Variants in DNAH5 observed in about 807,000 individuals in gnomAD.
DNAH5 encodes the protein axonemal beta dynein heavy chain 5.
DNAH5 carries 372 observed loss-of-function variants against 518.2 expected under a neutral mutation model. The ratio of observed to expected loss-of-function variants is 0.72; its 90% CI spans 0.66 to 0.78. DNAH5 has a LOEUF of 0.78. DNAH5 is among the 30% of genes least tolerant of loss of function. The probability of loss-of-function intolerance (pLI) is 0.00; values close to 1 mark genes in which losing one functional copy is unlikely to be tolerated. For missense variants in DNAH5, 5,523 were observed against 5,687.0 expected (o/e 0.97, Z 0.93); for synonymous variants, 2,039 against 2,025.9 (o/e 1.01, Z -0.17).
chr5:13,946,079 C>T (rs980061617), upstream of DNAH5, among the ~76,000 whole-genome samples: 13 of 152,296 alleles, frequency 8.5e-5, no homozygotes, highest in African/African-American at 2.6e-4. Context: ...TCCTATCCAT[C>T]CCAAGAATCC....
intron 1 of DNAH5, among the ~76,000 whole-genome samples, chr5:13,933,798 A>AAC (rs1295159203): frequency 1.3e-5 from 2 of 151,792 alleles, no homozygotes; most frequent in Non-Finnish European, 2.9e-5. Context: ...TCAAAAAAAA[A>AAC]AAAAAAAAAA....
intron 25 of DNAH5, among the ~76,000 whole-genome samples, chr5:13,867,129 C>T (rs1335351244): frequency 6.6e-6 from 1 of 152,174 alleles, no homozygotes; most frequent in Non-Finnish European, 1.5e-5. Flanking sequence ...TGCTACCAAA[C>T]AACTTCAGTA....
At chr5:13,992,005 T>C (rs1006985526) in intron 1 of DNAH5, among the ~76,000 whole-genome samples, 2 of 152,164 alleles carry the variant, frequency 1.3e-5, no homozygotes, top group Non-Finnish European at 2.9e-5. Flanking sequence ...AATCTTCAGA[T>C]AAATAAAACT....
At chr5:13,906,825 T>A (rs1160875095) in intron 12 of DNAH5, among the ~76,000 whole-genome samples, 1 of 152,086 alleles carries the variant, frequency 6.6e-6, no homozygotes, top group Non-Finnish European at 1.5e-5. Flanking sequence ...ACAGCAATAG[T>A]GACCCTTCGT....
chr5:13,901,188 C>T, intron 14 of DNAH5, 64 bp downstream of exon 14: 1 of 1,549,030 alleles, frequency 6.5e-7, no homozygotes, highest in Non-Finnish European at 8.8e-7. Flanking sequence ...ATAACACTGT[C>T]AAATGCTAGA....
chr5:14,009,458 T>A (rs1048254791), intron 1 of DNAH5, among the ~76,000 whole-genome samples: 1 of 152,192 alleles, frequency 6.6e-6, no homozygotes, highest in Non-Finnish European at 1.5e-5. Flanking sequence ...ATGCAACAAT[T>A]TCTACACCTT....
In DNAH5 at chr5:13,717,524, T is replaced by C; in HGVS notation, c.12500-4A>G. The stretch of plus-strand genomic sequence containing the variant: ...TCCAGCAGGTCTTGGCTGACACCTG[T>C]TGTGGTCAGTTGGGTGAAAAATGTA... On this transcript the variant is annotated splice_region_variant and splice_polypyrimidine_tract_variant and intron_variant, in intron 72 of 78. Transcript: ENST00000265104. 1 of 1,612,966 alleles carries C rather than the reference T, an allele frequency of 6.2e-7. No individual in the cohort carries two copies. Among genetic ancestry groups the C allele is most frequent in the Non-Finnish European group, 8.5e-7 (1 of 1,179,030 alleles).
intron 21 of DNAH5, among the ~76,000 whole-genome samples, chr5:13,878,576 GCCTAGCCATTCTTTCT>G (rs1186364044): frequency 1.3e-5 from 2 of 152,154 alleles, no homozygotes; most frequent in Non-Finnish European, 2.9e-5. Flanking sequence ...ATAAGCCTAG[GCCTAGCCATTCTTTCT>G]GGAAGGAGCT....
At chr5:13,890,406 CAA>C (rs35655538) in intron 17 of DNAH5, among the ~76,000 whole-genome samples, 43 of 136,908 alleles carry the variant, frequency 3.1e-4, no homozygotes, top group Admixed American at 6.5e-4. Context: ...GACTCCATCT[CAA>C]AAAAAAAAAA....
chr5:13,915,178 C>T (rs1776510563), intron 9 of DNAH5, among the ~76,000 whole-genome samples: 1 of 151,958 alleles, frequency 6.6e-6, no homozygotes, highest in South Asian at 2.1e-4. Context: ...TTGGATAAAG[C>T]ATAAGGAAAA....
chr5:13,718,676 T>C (rs983924590), intron 72 of DNAH5, among the ~76,000 whole-genome samples: 3 of 152,108 alleles, frequency 2.0e-5, no homozygotes, highest in Admixed American at 6.5e-5. Context: ...ACTGGGAAAA[T>C]AGGAAACTAG....
chr5:13,917,249 C>T lies in DNAH5; in HGVS notation c.983G>A (p.Arg328Gln), dbSNP rs376626613. The change falls in exon 8 of 79, where the codon CGG becomes CAG. Residue 328 changes from arginine to glutamine, a missense_variant. This residue lies in a region of DNAH5 where 5,121 missense variants were observed against 5,223.3 expected (regional missense o/e 0.98). Coordinates refer to ENST00000265104, the MANE Select transcript of DNAH5 (RefSeq NM_001369.3). ...AAKSKLLKTW[R>Q]EMDIRITDAT... ...ATCAGTGATTCGAATATCCATCTCC[C>T]GCCAAGTCTAAGCACAATAGGGAAA... 18 of 1,613,306 alleles carry T rather than the reference C, an allele frequency of 1.1e-5. No homozygotes were observed. The East Asian group carries it at 1.3e-4, about 12-fold the overall frequency.
chr5:13,950,239 C>T (rs1417794267), intron 1 of DNAH5, among the ~76,000 whole-genome samples: 1 of 151,942 alleles, frequency 6.6e-6, no homozygotes, highest in Non-Finnish European at 1.5e-5. Context: ...TTTTTCCTTT[C>T]CAGATGCCCA....
intron 37 of DNAH5, 27 bp from the exon 38 acceptor site, chr5:13,829,731 G>A (rs1473602424): frequency 1.3e-6 from 2 of 1,595,622 alleles, no homozygotes; most frequent in Non-Finnish European, 1.7e-6. Flanking sequence ...GCCCAAGGAT[G>A]AATGATGCAA....
At chr5:13,882,137 T>A (rs114874332) in intron 21 of DNAH5, among the ~76,000 whole-genome samples, 2,076 of 152,042 alleles carry the variant, frequency 0.014, 49 homozygotes, top group African/African-American at 0.046. Flanking sequence ...TGAACAGACC[T>A]ATAGTAAGAA....
chr5:13,977,749 A>G (rs1277992015), intron 1 of DNAH5, among the ~76,000 whole-genome samples: 1 of 152,128 alleles, frequency 6.6e-6, no homozygotes, highest in Non-Finnish European at 1.5e-5. Context: ...ATCCAACTGT[A>G]CCTGGACACA....
chr5:13,867,671 A>C, intron 25 of DNAH5, 103 bp downstream of exon 25: 1 of 937,670 alleles, frequency 1.1e-6, no homozygotes, highest in South Asian at 1.3e-5. Context: ...GGGAATTCCT[A>C]GGAAGTTTCA....
At position 13,843,658 on chromosome 5, in the gene DNAH5, C is replaced by A. The variant is rs148927225; in HGVS notation, c.5271+1179G>T. 3.3e-5 allele frequency among the ~76,000 whole-genome samples: 5 copies of A among 152,306 alleles called. No individual in the cohort carries two copies. The East Asian group carries it at 9.7e-4, about 29-fold the overall frequency. On this transcript the variant is annotated intron_variant, in intron 32 of 78. Transcript: ENST00000265104. ...CCTCACACATCCACGCTGCTGACATCCTGGGCTTCCCACACTTCCGAGCGC... is the reference window on the plus strand; with the variant it reads ...CCTCACACATCCACGCTGCTGACATACTGGGCTTCCCACACTTCCGAGCGC...
chr5:13,862,078 G>A (rs751348795), intron 29 of DNAH5, among the ~76,000 whole-genome samples: 9 of 151,258 alleles, frequency 6.0e-5, no homozygotes, highest in South Asian at 4.2e-4. Context: ...AAGGTTTTTC[G>A]AGTAAAATGA....
Sources: gnomAD v4.1 joint callset for allele counts (sites outside exome capture counted in the v4.1 genomes callset) on GRCh38, gnomAD v4.1.1 for gene constraint, gnomAD v4.1.1 regional missense constraint, MANE v1.5 for transcripts, NCBI Gene and HGNC (gene_info 2026-07-23, HGNC 2026-07-21) for gene names.